The following PCDH9 variants were observed in gnomAD, a reference collection of about 807,000 sequenced individuals.
PCDH9 encodes protocadherin-9.
In PCDH9, 24 loss-of-function variants were observed where a neutral mutation model predicts 70.6. The ratio of observed to expected loss-of-function variants is 0.34; its 90% CI spans 0.25 to 0.48. PCDH9 has a LOEUF of 0.48. Ranked by LOEUF, PCDH9 falls within the 20% of genes least tolerant of loss-of-function variation. The pLI, the probability that PCDH9 is intolerant of heterozygous loss-of-function variation, is 0.99. For synonymous variants in PCDH9, 562 were observed against 558.5 expected (o/e 1.01, Z -0.09); for missense variants, 1,281 against 1,503.6 (o/e 0.85, Z 2.45).
chr13:66,606,374 T>C (rs1371487960), intron 4 of PCDH9, among the ~76,000 whole-genome samples: 1 of 152,064 alleles, frequency 6.6e-6, no homozygotes, highest in East Asian at 1.9e-4. Context: ...TTCTCATGAA[T>C]CCTCCATTCC....
rs527655459 is a variant in PCDH9 at position 67,109,295 on chromosome 13, C to T, written c.3036+116110G>A. Among the ~76,000 whole-genome samples the T allele has an allele frequency of 7.2e-5, 11 of 152,236 alleles. No individual in the cohort carries two copies. The South Asian group carries it at 1.7e-3, about 23-fold the overall frequency. On this transcript the variant is annotated intron_variant, in intron 2 of 4. Coordinates refer to ENST00000377865, the MANE Select transcript of PCDH9 (RefSeq NM_203487.3). ...TGTTCAGACCCTAACATTATTTTTA[C>T]CAGTTAGGATCTTGGTTTATTTTGA...
intron 4 of PCDH9, among the ~76,000 whole-genome samples, chr13:66,596,719 T>C (rs774472878): frequency 3.3e-5 from 5 of 151,572 alleles, no homozygotes; most frequent in African/African-American, 4.8e-5. Flanking sequence ...GAAATCTATA[T>C]GATGTAATTC....
At chr13:66,999,390 C>T (rs558401063) in intron 2 of PCDH9, among the ~76,000 whole-genome samples, 2 of 152,186 alleles carry the variant, frequency 1.3e-5, no homozygotes, top group East Asian at 3.9e-4. Context: ...GACTATACTT[C>T]AAGGTTCTAT....
At chr13:66,419,383 AT>A (rs2138344078) in intron 4 of PCDH9, among the ~76,000 whole-genome samples, 1 of 152,144 alleles carries the variant, frequency 6.6e-6, no homozygotes, top group African/African-American at 2.4e-5. Flanking sequence ...GAATAGGAAC[AT>A]CTTCAGCCTG....
intron 4 of PCDH9, among the ~76,000 whole-genome samples, chr13:66,517,489 T>A (rs944169048): frequency 7.0e-4 from 107 of 152,008 alleles, no homozygotes; most frequent in African/African-American, 2.2e-3. Flanking sequence ...TTCTGTAATT[T>A]AAAAAAAACA....
At chr13:66,882,555 G>A (rs2081939154) in intron 3 of PCDH9, among the ~76,000 whole-genome samples, 1 of 151,834 alleles carries the variant, frequency 6.6e-6, no homozygotes, top group Non-Finnish European at 1.5e-5. Flanking sequence ...ATTCAATATA[G>A]CATATAGTTG....
intron 2 of PCDH9, among the ~76,000 whole-genome samples, chr13:66,962,031 CA>C (rs1353652976): frequency 6.7e-6 from 1 of 149,290 alleles, no homozygotes; most frequent in Admixed American, 6.7e-5. Flanking sequence ...AGCCTGGCGA[CA>C]GAGCGAGACC....
intron 3 of PCDH9, among the ~76,000 whole-genome samples, chr13:66,754,107 G>A (rs2139233239): frequency 6.6e-6 from 1 of 151,490 alleles, no homozygotes; most frequent in East Asian, 1.9e-4. Context: ...TTTGTTCTAA[G>A]AGGTGTGTAT....
chr13:67,050,539 T>A (rs1373000332), intron 2 of PCDH9, among the ~76,000 whole-genome samples: 2 of 152,176 alleles, frequency 1.3e-5, no homozygotes, highest in African/African-American at 4.8e-5. Context: ...GAACCCAGTG[T>A]CTAGCAAAGT....
At chr13:66,832,474 C>T (rs1016995077) in intron 3 of PCDH9, among the ~76,000 whole-genome samples, 1 of 151,882 alleles carries the variant, frequency 6.6e-6, no homozygotes, top group Non-Finnish European at 1.5e-5. Context: ...CAAATCTCTA[C>T]AAAATATGAA....
intron 2 of PCDH9, chr13:67,211,058 T>C (rs1048664596): frequency 6.6e-6 from 1 of 152,036 alleles, no homozygotes; most frequent in Non-Finnish European, 1.5e-5. Context: ...TGCTTGGTTC[T>C]AAATTAGTTT....
At chr13:66,867,587 T>G (rs2081599359) in intron 3 of PCDH9, among the ~76,000 whole-genome samples, 1 of 152,062 alleles carries the variant, frequency 6.6e-6, no homozygotes. Flanking sequence ...TAATTGAAAG[T>G]GGAACGAAAA....
intron 4 of PCDH9, among the ~76,000 whole-genome samples, chr13:66,500,586 G>A (rs1156997334): frequency 1.3e-5 from 2 of 151,830 alleles, no homozygotes; most frequent in African/African-American, 4.8e-5. Context: ...AAAAAATGGT[G>A]ATTACTGTTA....
intron 2 of PCDH9, among the ~76,000 whole-genome samples, chr13:67,111,821 G>A (rs1190839956): frequency 6.6e-6 from 1 of 151,958 alleles, no homozygotes. Flanking sequence ...ACTTCTTTAG[G>A]CTAATTAAGC....
At chr13:67,118,936 C>T (rs1226120240) in intron 2 of PCDH9, among the ~76,000 whole-genome samples, 1 of 152,086 alleles carries the variant, frequency 6.6e-6, no homozygotes, top group Non-Finnish European at 1.5e-5. Flanking sequence ...GCTATATGAC[C>T]TGGCATGCAT....
intron 3 of PCDH9, among the ~76,000 whole-genome samples, chr13:66,819,325 G>GAA (rs34857677): frequency 0.33 from 49,318 of 147,630 alleles, 9,196 homozygotes; most frequent in Non-Finnish European, 0.42. Context: ...TTGATGAGGA[G>GAA]AAAAAAAAAA....
intron 4 of PCDH9, among the ~76,000 whole-genome samples, chr13:66,584,484 C>T (rs2076936307): frequency 6.6e-6 from 1 of 152,002 alleles, no homozygotes; most frequent in African/African-American, 2.4e-5. Context: ...TGAACAAAGT[C>T]GATAAACATT....
intron 4 of PCDH9, among the ~76,000 whole-genome samples, chr13:66,581,010 T>C (rs1362117036): frequency 6.6e-6 from 1 of 152,180 alleles, no homozygotes; most frequent in East Asian, 1.9e-4. Flanking sequence ...CCAAATTTTA[T>C]TTCCACTGAT....
At chr13:66,734,968 C>CA (rs775917174) in intron 3 of PCDH9, among the ~76,000 whole-genome samples, 1 of 152,138 alleles carries the variant, frequency 6.6e-6, no homozygotes, top group Non-Finnish European at 1.5e-5. Context: ...TTGATTAAGG[C>CA]AGACATATCT....
Sources: allele counts gnomAD v4.1 joint callset (sites outside exome capture counted in the v4.1 genomes callset), GRCh38; gene constraint gnomAD v4.1.1; transcripts MANE v1.5; gene names NCBI Gene and HGNC (gene_info 2026-07-23, HGNC 2026-07-21).